SHROOM3: variants seen among roughly 807,000 people sequenced by gnomAD.
SHROOM3 encodes protein Shroom3.
SHROOM3 carries 47 observed loss-of-function variants against 138.6 expected under a neutral mutation model. The ratio of observed to expected loss-of-function variants is 0.34; its 90% CI spans 0.27 to 0.43. The LOEUF (loss-of-function observed/expected upper bound fraction) is 0.43. Among genes scored for constraint, SHROOM3 ranks in the 20% least tolerant of loss-of-function variants. The pLI is 1.00. For synonymous variants in SHROOM3, 1,062 were observed against 1,063.3 expected, an observed-to-expected ratio of 1.00 and a Z score of 0.02; for missense variants, 2,491 against 2,596.5, an observed-to-expected ratio of 0.96 and a Z score of 0.88.
At chr4:76,736,519 CA>C (rs1230548569) in intron 4 of SHROOM3, among the ~76,000 whole-genome samples, 1 of 152,164 alleles carries the variant, frequency 6.6e-6, no homozygotes, top group Non-Finnish European at 1.5e-5. Context: ...ATATTCCAGC[CA>C]TAAAGCATTA....
chr4:76,763,515 A>C (rs763235120), intron 9 of SHROOM3, among the ~76,000 whole-genome samples: 1 of 152,204 alleles, frequency 6.6e-6, no homozygotes, highest in Non-Finnish European at 1.5e-5. Context: ...CAGTGAACCA[A>C]GATCGTGCCA....
intron 1 of SHROOM3, among the ~76,000 whole-genome samples, chr4:76,522,229 C>T (rs1362714920): frequency 1.4e-5 from 2 of 145,678 alleles, no homozygotes; most frequent in Non-Finnish European, 3.0e-5. Flanking sequence ...TGAATAAGTA[C>T]TTTATTATAT....
chr4:76,730,419 G>A (rs1262644832), intron 3 of SHROOM3, among the ~76,000 whole-genome samples: 1 of 152,120 alleles, frequency 6.6e-6, no homozygotes, highest in African/African-American at 2.4e-5. Flanking sequence ...AAGGAATTGC[G>A]GGCTCCCATT....
intron 5 of SHROOM3, among the ~76,000 whole-genome samples, chr4:76,747,768 G>A (rs1432528306): frequency 6.6e-6 from 1 of 152,252 alleles, no homozygotes; most frequent in Non-Finnish European, 1.5e-5. Flanking sequence ...TGATATTTGA[G>A]TGAATCAGAA....
chr4:76,756,029 C>T (rs1352120255), intron 7 of SHROOM3, among the ~76,000 whole-genome samples: 1 of 152,210 alleles, frequency 6.6e-6, no homozygotes, highest in Non-Finnish European at 1.5e-5. Flanking sequence ...GCAACATTCA[C>T]CAGAACTGAA....
At chr4:76,494,908 C>G (rs1419275437) in intron 1 of SHROOM3, among the ~76,000 whole-genome samples, 3 of 152,080 alleles carry the variant, frequency 2.0e-5, no homozygotes, top group African/African-American at 7.2e-5. Flanking sequence ...AAGGCCTGTT[C>G]TGTTAAAAAA....
chr4:76,500,931 A>C (rs1030158250), intron 1 of SHROOM3, among the ~76,000 whole-genome samples: 2 of 152,016 alleles, frequency 1.3e-5, no homozygotes, highest in East Asian at 3.8e-4. Flanking sequence ...CTCAGCCTCC[A>C]TAGTAGTTGG....
At chr4:76,495,291 C>T (rs528444160) in intron 1 of SHROOM3, among the ~76,000 whole-genome samples, 22 of 152,330 alleles carry the variant, frequency 1.4e-4, no homozygotes, top group African/African-American at 5.3e-4. Context: ...CTGAGGCTCA[C>T]AGCTGCACTC....
chr4:76,519,599 G>A (rs113483296), intron 1 of SHROOM3, among the ~76,000 whole-genome samples: 1,596 of 152,242 alleles, frequency 0.01, 16 homozygotes, highest in African/African-American at 0.037. Context: ...AAAGTAGAGG[G>A]CCGTTCCAGT....
intron 2 of SHROOM3, among the ~76,000 whole-genome samples, chr4:76,709,455 AT>A (rs751635897): frequency 2.6e-5 from 4 of 151,970 alleles, no homozygotes; most frequent in Non-Finnish European, 5.9e-5. Flanking sequence ...AGGAGAAGAA[AT>A]GTTCCTGTTC....
chr4:76,599,828 G>C (rs1298793030), intron 2 of SHROOM3, among the ~76,000 whole-genome samples: 1 of 152,186 alleles, frequency 6.6e-6, no homozygotes, highest in South Asian at 2.1e-4. Context: ...AGTGGTGGCT[G>C]TGGAAATGGA....
chr4:76,569,250 G>C (rs193115901), intron 2 of SHROOM3, among the ~76,000 whole-genome samples: 1 of 152,162 alleles, frequency 6.6e-6, no homozygotes, highest in Non-Finnish European at 1.5e-5. Context: ...AATTTGTCAG[G>C]GGGGGAAATA....
At position 76,740,729 on chromosome 4, in the gene SHROOM3, G is replaced by A; in HGVS notation, c.2556G>A (p.Glu852=). ...GGGAGCAGCACTTCAAAAACGGGGA[G>A]CTGAAGTTGGAAGAGGCTTCCCGGC... The part of the protein sequence containing the change: ...GNGEQHFKNG[E]LKLEEASRQP... Residue 852 remains glutamate (E), a synonymous_variant, in exon 5 of 11, where the codon GAG becomes GAA. Transcript: ENST00000296043. This position sits in a 1 kb window ranked among gnomAD's most constrained non-coding sequence, Gnocchi z 4.0. The A allele has an allele frequency of 6.2e-7, 1 of 1,613,496 alleles. No homozygotes were observed. Among genetic ancestry groups the A allele is most frequent in the Non-Finnish European group, 8.5e-7 (1 of 1,180,034 alleles).
At chr4:76,639,641 A>G (rs1735605547) in intron 2 of SHROOM3, 9 of 398,066 alleles carry the variant, frequency 2.3e-5, no homozygotes, top group Non-Finnish European at 2.7e-5. Context: ...ACAACGAAAC[A>G]TGTAAGTGAG....
intron 1 of SHROOM3, among the ~76,000 whole-genome samples, chr4:76,477,216 C>G (rs13126165): frequency 2.7e-4 from 41 of 152,156 alleles, no homozygotes; most frequent in African/African-American, 6.7e-4. Flanking sequence ...ATCCACCCCC[C>G]ACTCGGCCTC....
At chr4:76,609,776 G>C (rs961962399) in intron 2 of SHROOM3, among the ~76,000 whole-genome samples, 2 of 152,162 alleles carry the variant, frequency 1.3e-5, no homozygotes, top group Admixed American at 1.3e-4. Context: ...CCTAAATAGA[G>C]AGTCTAGAAT....
Position 76,542,660 on chromosome 4 carries a change from A to C in SHROOM3, c.169-12949A>C, listed in dbSNP as rs191750244. 7.9e-5 allele frequency among the ~76,000 whole-genome samples: 12 copies of C among 152,368 alleles called. No homozygotes were observed. In the East Asian group the frequency reaches 2.3e-3, roughly 29 times the overall value. On this transcript the variant is annotated intron_variant, in intron 1 of 10. Coordinates refer to ENST00000296043, the MANE Select transcript of SHROOM3 (RefSeq NM_020859.4). ...GGAAAGGAAACCAATTCTACCCTGG[A>C]ATCTCCAGAAAAGAACACAGCTAGC... is the stretch of plus-strand genomic sequence containing the variant.
intron 2 of SHROOM3, among the ~76,000 whole-genome samples, chr4:76,674,140 C>G (rs1252455752): frequency 6.6e-6 from 1 of 152,112 alleles, no homozygotes; most frequent in Admixed American, 6.5e-5. Context: ...TCCCAAAGTG[C>G]TAGGATTACA....
At chr4:76,527,412 G>A (rs538203907) in intron 1 of SHROOM3, among the ~76,000 whole-genome samples, 50 of 152,176 alleles carry the variant, frequency 3.3e-4, no homozygotes, top group Admixed American at 8.5e-4. Context: ...GTGAAACCCC[G>A]TCTCTACTAA....
Sources: allele counts gnomAD v4.1 joint callset (sites outside exome capture counted in the v4.1 genomes callset), GRCh38; gene constraint gnomAD v4.1.1; non-coding constraint Gnocchi (gnomAD v3.1); transcripts MANE v1.5; gene names NCBI Gene and HGNC (gene_info 2026-07-23, HGNC 2026-07-21).